The following FBXL7 variants were observed in gnomAD, a reference collection of about 807,000 sequenced individuals.
FBXL7 encodes the protein F-box/LRR-repeat protein 7.
FBXL7 carries 12 observed loss-of-function variants against 38.3 expected under a neutral mutation model. That is an observed-to-expected ratio of 0.31 (90% CI 0.20 to 0.51). The LOEUF is 0.51. Ranked by LOEUF, FBXL7 falls within the 20% of genes least tolerant of loss-of-function variation. FBXL7 has a pLI of 0.98. For synonymous variants in FBXL7, 297 were observed against 300.9 expected, an observed-to-expected ratio of 0.99 and a Z score of 0.13; for missense variants, 567 against 676.4, an observed-to-expected ratio of 0.84 and a Z score of 1.79.
chr5:15,534,498 C>A (rs1195177543), intron 1 of FBXL7, among the ~76,000 whole-genome samples: 3 of 152,048 alleles, frequency 2.0e-5, no homozygotes, highest in Non-Finnish European at 4.4e-5. Flanking sequence ...TTTGATAGCT[C>A]ATTTCTTTTT....
At chr5:15,933,042 T>G (rs1742082853) in intron 3 of FBXL7, among the ~76,000 whole-genome samples, 1 of 152,004 alleles carries the variant, frequency 6.6e-6, no homozygotes, top group Non-Finnish European at 1.5e-5. Context: ...TGAAAAAAAA[T>G]GATGTTTATT....
At chr5:15,792,004 C>T (rs1737290148) in intron 2 of FBXL7, among the ~76,000 whole-genome samples, 1 of 152,130 alleles carries the variant, frequency 6.6e-6, no homozygotes, top group Admixed American at 6.5e-5. Context: ...ATTGCAAGCA[C>T]AACAAGTATT....
chr5:15,896,382 C>T (rs1198807602), intron 2 of FBXL7, among the ~76,000 whole-genome samples: 2 of 152,160 alleles, frequency 1.3e-5, no homozygotes, highest in Admixed American at 1.3e-4. Flanking sequence ...ATTTCTGAAA[C>T]CTAATGCAAA....
rs539834394 is a variant in FBXL7 at position 15,786,764 on chromosome 5, G to A, written c.128-141126G>A. Among the ~76,000 whole-genome samples the A allele has an allele frequency of 2.5e-3, 380 of 152,280 alleles. 1 individual carries two copies. Among genetic ancestry groups the A allele is most frequent in the African/African-American group, 8.6e-3 (358 of 41,548 alleles). ...ATACGTAATGGACTTACAGGTACGGGTGGATGCAAAGATGGGTGTAATGAG... is the reference window on the plus strand; with the variant it reads ...ATACGTAATGGACTTACAGGTACGGATGGATGCAAAGATGGGTGTAATGAG... On this transcript the variant is annotated intron_variant, in intron 2 of 3. Coordinates refer to ENST00000504595, the MANE Select transcript of FBXL7 (RefSeq NM_012304.5).
At chr5:15,701,090 G>A (rs1010541561) in intron 2 of FBXL7, among the ~76,000 whole-genome samples, 5 of 152,064 alleles carry the variant, frequency 3.3e-5, no homozygotes, top group African/African-American at 1.2e-4. Context: ...GGACATTTGT[G>A]AATTTTTTGA....
At chr5:15,752,293 A>C (rs905604861) in intron 2 of FBXL7, among the ~76,000 whole-genome samples, 1 of 148,468 alleles carries the variant, frequency 6.7e-6, no homozygotes, top group Non-Finnish European at 1.5e-5. Flanking sequence ...ATAAAATTGC[A>C]GGGAAGGGGT....
At position 15,657,139 on chromosome 5, in the gene FBXL7, A is replaced by T. The variant is rs77929630; in HGVS notation, c.127+41067A>T. On this transcript the variant is annotated intron_variant, in intron 2 of 3. Transcript: ENST00000504595. ...GGATAGGAAAACTTAATGTTATAAA[A>T]ATGTCACTTATTTTGAAATTAACAT... Among the ~76,000 whole-genome samples the T allele has an allele frequency of 8.6e-3, 1,306 of 152,304 alleles. 13 individuals carry two copies. The highest frequency in any genetic ancestry group is 0.03 in the African/African-American group (1,239 of 41,562).
intron 2 of FBXL7, among the ~76,000 whole-genome samples, chr5:15,810,865 C>A (rs539572667): frequency 6.6e-6 from 1 of 152,246 alleles, no homozygotes; most frequent in Non-Finnish European, 1.5e-5. Context: ...TAGCATAGTT[C>A]TTGGTTCCCA....
At chr5:15,527,615 G>A (rs1561015811) in intron 1 of FBXL7, among the ~76,000 whole-genome samples, 1 of 152,166 alleles carries the variant, frequency 6.6e-6, no homozygotes, top group Non-Finnish European at 1.5e-5. Context: ...TGAGCCAAAA[G>A]TATAAAACTA....
At chr5:15,725,731 T>C (rs1028463964) in intron 2 of FBXL7, among the ~76,000 whole-genome samples, 5 of 152,036 alleles carry the variant, frequency 3.3e-5, no homozygotes, top group African/African-American at 1.2e-4. Flanking sequence ...CCATCTCCCA[T>C]GTTCAAGCAA....
intron 2 of FBXL7, among the ~76,000 whole-genome samples, chr5:15,729,005 A>G (rs1735500686): frequency 1.3e-5 from 2 of 152,126 alleles, no homozygotes; most frequent in South Asian, 4.1e-4. Context: ...TGATTGACTT[A>G]TTGGTGTCTT....
At chr5:15,828,165 G>A (rs257761) in intron 2 of FBXL7, among the ~76,000 whole-genome samples, 85,738 of 152,064 alleles carry the variant, frequency 0.56, 24,775 homozygotes, top group Non-Finnish European at 0.63. Context: ...TTATGAGGTT[G>A]TTGCAAGAAT....
rs1196840989 is a variant in FBXL7 at position 15,501,455 on chromosome 5, T to C, written c.37+742T>C. The stretch of plus-strand genomic sequence containing the variant: ...CACTCTGCATAAAACCGTAGCGTTG[T>C]ATCCCAATTAGCAGCTAGCCCCTGA... On this transcript the variant is annotated intron_variant, in intron 1 of 3. Coordinates refer to ENST00000504595, the MANE Select transcript of FBXL7 (RefSeq NM_012304.5). The C allele has an allele frequency of 4.1e-6, 4 of 985,590 alleles. No homozygotes were observed. In the East Asian group the frequency reaches 4.5e-4, roughly 112 times the overall value. The allele number at this position is 985,590 out of a possible 1,614,324, so 61.1% of individuals were successfully genotyped here.
chr5:15,624,248 A>G (rs748996770), intron 2 of FBXL7, among the ~76,000 whole-genome samples: 6 of 152,194 alleles, frequency 3.9e-5, no homozygotes, highest in Non-Finnish European at 8.8e-5. Context: ...CAATATGGCA[A>G]TGTTGAGTGG....
intron 1 of FBXL7, among the ~76,000 whole-genome samples, chr5:15,521,202 G>T (rs577285390): frequency 6.6e-6 from 1 of 152,280 alleles, no homozygotes; most frequent in Non-Finnish European, 1.5e-5. Context: ...AGTTGTCGGG[G>T]GGTGAAATGA....
chr5:15,540,895 A>G (rs1737721401), intron 1 of FBXL7, among the ~76,000 whole-genome samples: 1 of 152,100 alleles, frequency 6.6e-6, no homozygotes, highest in South Asian at 2.1e-4. Flanking sequence ...CCATCTCCTG[A>G]TAGTATCACT....
At chr5:15,913,642 A>C (rs1449312123) in intron 2 of FBXL7, among the ~76,000 whole-genome samples, 1 of 152,238 alleles carries the variant, frequency 6.6e-6, no homozygotes, top group Non-Finnish European at 1.5e-5. Context: ...TTTTGTAACT[A>C]TTCATGGGGA....
At chr5:15,792,863 A>G (rs1426594044) in intron 2 of FBXL7, among the ~76,000 whole-genome samples, 1 of 152,318 alleles carries the variant, frequency 6.6e-6, no homozygotes, top group East Asian at 1.9e-4. Context: ...TGCTCACACC[A>G]GTGGGGTTCC....
chr5:15,871,975 C>T (rs373288977), intron 2 of FBXL7, among the ~76,000 whole-genome samples: 7 of 152,084 alleles, frequency 4.6e-5, no homozygotes, highest in East Asian at 3.9e-4. Flanking sequence ...AACTCCAAGA[C>T]ACACAATCAT....
Sources: allele counts gnomAD v4.1 joint callset (sites outside exome capture counted in the v4.1 genomes callset), GRCh38; gene constraint gnomAD v4.1.1; transcripts MANE v1.5; gene names NCBI Gene and HGNC (gene_info 2026-07-23, HGNC 2026-07-21).